Variants in UTS2B observed in about 807,000 individuals in gnomAD.
UTS2B encodes the protein urotensin 2B, also known as urotensin-2B.
A neutral mutation model predicts 19.2 loss-of-function variants in UTS2B; 21 were observed. The observed-to-expected ratio is 1.09, with a 90% confidence interval of 0.78 to 1.58. The LOEUF is 1.58. Ranked by LOEUF, UTS2B falls within the 40% of genes most tolerant of loss-of-function variation. The probability of loss-of-function intolerance (pLI) is 0.00; values close to 1 mark genes in which losing one functional copy is unlikely to be tolerated. For missense variants in UTS2B, 138 were observed against 130.3 expected (o/e 1.06, Z -0.29); for synonymous variants, 57 against 50.2 (o/e 1.14, Z -0.58).
chr3:191,340,974 T>G, the UTS2B span, among the ~76,000 whole-genome samples: 1 of 151,616 alleles, frequency 6.6e-6, no homozygotes, highest in African/African-American at 2.4e-5. Context: ...TAGCTAGGAC[T>G]ACAGGCCCAG....
At chr3:191,314,977 G>A (rs1717406648) in intron 3 of UTS2B, among the ~76,000 whole-genome samples, 1 of 151,462 alleles carries the variant, frequency 6.6e-6, no homozygotes, top group Admixed American at 6.6e-5. Context: ...GTAAGTGTAA[G>A]TTAGTGTTTC....
intron 5 of UTS2B, among the ~76,000 whole-genome samples, chr3:191,279,550 A>G (rs1011442457): frequency 6.6e-6 from 1 of 152,070 alleles, no homozygotes; most frequent in African/African-American, 2.4e-5. Context: ...GAAAATGTAT[A>G]TGACTAAGAG....
At chr3:191,293,247 G>A (rs531779906) in intron 4 of UTS2B, among the ~76,000 whole-genome samples, 1 of 152,086 alleles carries the variant, frequency 6.6e-6, no homozygotes, top group African/African-American at 2.4e-5. Flanking sequence ...TTGATATCAG[G>A]GCAATACTGG....
At chr3:191,292,305 C>A (rs1307201957) in intron 4 of UTS2B, among the ~76,000 whole-genome samples, 2 of 152,084 alleles carry the variant, frequency 1.3e-5, no homozygotes, top group Non-Finnish European at 2.9e-5. Context: ...TTTCAGTGAA[C>A]AAGTCTTATG....
chr3:191,282,200 A>G lies in UTS2B; in HGVS notation c.-11T>C, dbSNP rs781319419. On this transcript the variant is annotated 5_prime_UTR_variant, in exon 5 of 9. Coordinates refer to ENST00000340524, the MANE Select transcript of UTS2B (RefSeq NM_198152.5). ...GAGGATCTTGTTCATGTTAAAAAAA[A>G]CCTTCTGGACTAGCAAAGAAACAGA... 1 of 1,594,164 alleles carries G rather than the reference A, an allele frequency of 6.3e-7. No individual in the cohort carries two copies.
intron 4 of UTS2B, among the ~76,000 whole-genome samples, chr3:191,282,573 A>C (rs1351231459): frequency 6.6e-6 from 1 of 152,212 alleles, no homozygotes; most frequent in African/African-American, 2.4e-5. Context: ...TTTATGGTTT[A>C]ATTTCCAGAT....
intron 2 of UTS2B, among the ~76,000 whole-genome samples, chr3:191,325,095 C>T (rs1456474906): frequency 1.3e-5 from 2 of 151,962 alleles, no homozygotes; most frequent in Admixed American, 6.6e-5. Flanking sequence ...AAAGAGAGAT[C>T]AGGTTACCAG....
At chr3:191,336,224 TAAAATTGTCA>T in the UTS2B span, among the ~76,000 whole-genome samples, 2 of 152,152 alleles carry the variant, frequency 1.3e-5, no homozygotes, top group African/African-American at 4.8e-5. Flanking sequence ...GAGTGCATGT[TAAAATTGTCA>T]AACTGTTTTT....
chr3:191,311,546 C>T (rs1459080945), intron 3 of UTS2B, among the ~76,000 whole-genome samples: 1 of 152,198 alleles, frequency 6.6e-6, no homozygotes, highest in Non-Finnish European at 1.5e-5. Flanking sequence ...TGCACGCTAA[C>T]TCTGCACTTG....
At position 191,295,022 on chromosome 3, in the gene UTS2B, C is replaced by T. The variant is rs550449146; in HGVS notation, c.-125+9470G>A. Among the ~76,000 whole-genome samples, 10 of 136,606 alleles carry T rather than the reference C, an allele frequency of 7.3e-5. No individual in the cohort carries two copies. The South Asian group carries it at 2.2e-3, about 30-fold the overall frequency. 89.6% of individuals were successfully genotyped at this position (136,606 alleles called of 152,430 possible). A position where few individuals can be genotyped will look rare whatever the true frequency, so the allele number is the denominator to read the frequency against. ...CTCCAGCCTGGGTGACAGAGTAAGA[C>T]TCCGTCTTAAACAACAACAACAACA... On this transcript the variant is annotated intron_variant, in intron 4 of 8. Transcript: ENST00000340524.
intron 2 of UTS2B, among the ~76,000 whole-genome samples, chr3:191,320,283 A>G (rs73888549): frequency 0.065 from 9,969 of 152,250 alleles, 1,080 homozygotes; most frequent in African/African-American, 0.23. Context: ...ATTGGCATAC[A>G]GGGTCTTTCT....
At chr3:191,340,993 T>A in the UTS2B span, among the ~76,000 whole-genome samples, 3 of 104,374 alleles carry the variant, frequency 2.9e-5, no homozygotes, top group Admixed American at 1.9e-4. Context: ...AGCTAATTAA[T>A]TTTTTTTTTT....
In UTS2B at chr3:191,320,597, C is replaced by T. The variant is rs934471247; in HGVS notation, c.-585-4158G>A. 3.3e-5 allele frequency among the ~76,000 whole-genome samples: 5 copies of T among 152,294 alleles called. No individual in the cohort carries two copies. In the East Asian group the frequency reaches 7.7e-4, roughly 23 times the overall value. On this transcript the variant is annotated intron_variant, in intron 2 of 8. Transcript: ENST00000340524. ...CAGAACCAAGAAACTGCGAAGGAGGCTACGGCCAAAACCCAAGTGAGAGAT... is the reference window on the plus strand; with the variant it reads ...CAGAACCAAGAAACTGCGAAGGAGGTTACGGCCAAAACCCAAGTGAGAGAT...
chr3:191,313,785 C>A (rs1271945959), intron 3 of UTS2B, among the ~76,000 whole-genome samples: 1 of 137,144 alleles, frequency 7.3e-6, no homozygotes, highest in Non-Finnish European at 1.5e-5. Flanking sequence ...GGCTAGAGTG[C>A]AGTGGCACCA....
At chr3:191,331,509 T>C (rs1717984213), upstream of UTS2B, among the ~76,000 whole-genome samples, 1 of 152,216 alleles carries the variant, frequency 6.6e-6, no homozygotes, top group East Asian at 1.9e-4. Context: ...TGTTTGGCAA[T>C]CTCTTTTATG....
chr3:191,324,832 C>T (rs1490580732), intron 2 of UTS2B, among the ~76,000 whole-genome samples: 2 of 151,892 alleles, frequency 1.3e-5, no homozygotes, highest in African/African-American at 4.8e-5. Flanking sequence ...GTAGATCACT[C>T]GAGATTAGGA....
the UTS2B span, among the ~76,000 whole-genome samples, chr3:191,339,292 T>A: frequency 6.6e-6 from 1 of 152,206 alleles, no homozygotes; most frequent in East Asian, 1.9e-4. Context: ...GTATTAGAAG[T>A]TAACACTGGT....
chr3:191,300,631 C>G (rs1458846433), intron 4 of UTS2B, among the ~76,000 whole-genome samples: 1 of 152,196 alleles, frequency 6.6e-6, no homozygotes, highest in Non-Finnish European at 1.5e-5. Context: ...TGGTTTGGTT[C>G]TGTGCCCTCA....
chr3:191,297,691 C>T (rs2108590861), intron 4 of UTS2B, among the ~76,000 whole-genome samples: 1 of 152,128 alleles, frequency 6.6e-6, no homozygotes, highest in Non-Finnish European at 1.5e-5. Flanking sequence ...CAACTTCTAG[C>T]CTGTGGTGTG....
Sources: gnomAD v4.1 joint callset for allele counts (sites outside exome capture counted in the v4.1 genomes callset) on GRCh38, gnomAD v4.1.1 for gene constraint, MANE v1.5 for transcripts, NCBI Gene and HGNC (gene_info 2026-07-23, HGNC 2026-07-21) for gene names.